Variants in PDCD4 observed in about 807,000 individuals in gnomAD.
PDCD4 encodes the protein programmed cell death 4.
PDCD4 carries 56 observed loss-of-function variants against 54.0 expected under a neutral mutation model. That is an observed-to-expected ratio of 1.04 (90% confidence interval 0.84 to 1.30). The LOEUF (loss-of-function observed/expected upper bound fraction) is 1.30, where lower values mean the gene tolerates loss of function less well. Among genes scored for constraint, PDCD4 ranks in the 50% most tolerant of loss-of-function variants. The pLI, the probability that PDCD4 is intolerant of heterozygous loss-of-function variation, is 0.00. For synonymous variants in PDCD4, 186 were observed against 194.8 expected (o/e 0.95, Z 0.37); for missense variants, 584 against 559.8 (o/e 1.04, Z -0.44).
intron 3 of PDCD4, 64 bp downstream of exon 3, chr10:110,881,599 G>A (rs1845593778): frequency 1.5e-6 from 2 of 1,321,808 alleles, no homozygotes; most frequent in African/African-American, 1.5e-5. Flanking sequence ...TCTGGTTCTT[G>A]TACTACACTT....
rs748515325 is a variant in PDCD4 at position 110,881,265 on chromosome 10, G to C, written c.76G>C (p.Gly26Arg). Residue 26 changes from glycine to arginine, a missense_variant, in exon 3 of 12, where the codon GGT becomes CGT. Gly to Arg is a moderately radical substitution (Grantham distance 125). Coordinates refer to ENST00000280154, the MANE Select transcript of PDCD4 (RefSeq NM_014456.5). The stretch of plus-strand genomic sequence containing the variant: ...TAACTTAAGTGACTCTCTCTTTTCC[G>C]GTGATGAAGAAAATGCTGGGACTGA... ...PDNLSDSLFS[G>R]DEENAGTEEI... 1 of 1,612,878 alleles carries C rather than the reference G, an allele frequency of 6.2e-7. No homozygotes were observed. The highest frequency in any genetic ancestry group is 1.7e-5 in the Admixed American group (1 of 59,928).
chr10:110,889,221 C>CAAA (rs34424151), intron 6 of PDCD4, among the ~76,000 whole-genome samples: 21 of 70,430 alleles, frequency 3.0e-4, no homozygotes, highest in African/African-American at 1.1e-3. Flanking sequence ...GACTCTGTCT[C>CAAA]AAAAAAAAAA....
At chr10:110,879,810 G>T (rs1375965035) in intron 2 of PDCD4, among the ~76,000 whole-genome samples, 1 of 152,028 alleles carries the variant, frequency 6.6e-6, no homozygotes, top group African/African-American at 2.4e-5. Flanking sequence ...AAATAATTTG[G>T]CTCTAATTGA....
intron 7 of PDCD4, 52 bp from the exon 8 acceptor site, chr10:110,890,504 A>G: frequency 1.0e-6 from 1 of 969,756 alleles, no homozygotes; most frequent in East Asian, 2.6e-5. Flanking sequence ...CTAATTTAGT[A>G]AACTTTAGGT....
chr10:110,876,117 G>C, intron 2 of PDCD4, 47 bp downstream of exon 2: 2 of 1,492,668 alleles, frequency 1.3e-6, no homozygotes, highest in Non-Finnish European at 1.9e-6. Context: ...TTTGAGACAG[G>C]ATCTTGCTCT....
At chr10:110,880,387 C>G (rs1254939972) in intron 2 of PDCD4, 1 of 152,138 alleles carries the variant, frequency 6.6e-6, no homozygotes, top group Non-Finnish European at 1.5e-5. Flanking sequence ...ATTTTGATAA[C>G]TGAAAATAAC....
In PDCD4 at chr10:110,899,159, T is replaced by C. The variant is rs796343911; in HGVS notation, c.*1071T>C. ...GATCATATTTTTAACCTCTTTTACA[T>C]AGCCTAATAACTCAGCAAGGCCTCA... On this transcript the variant is annotated 3_prime_UTR_variant, in exon 12 of 12. Transcript: ENST00000280154. 23 of 152,324 alleles carry C rather than the reference T, an allele frequency of 1.5e-4. No homozygotes were observed. The highest frequency in any genetic ancestry group is 5.3e-4 in the African/African-American group (22 of 41,572). 9.4% of individuals were successfully genotyped at this position (152,324 alleles called of 1,614,324 possible). A position where few individuals can be genotyped will look rare whatever the true frequency, so the allele number is the denominator to read the frequency against.
intron 2 of PDCD4, among the ~76,000 whole-genome samples, chr10:110,877,830 C>A (rs1845529944): frequency 6.6e-6 from 1 of 152,110 alleles, no homozygotes. Context: ...TCAGTTTTTT[C>A]ATGTATAAAA....
chr10:110,886,914 G>T (rs1845677567), intron 5 of PDCD4, among the ~76,000 whole-genome samples: 1 of 152,082 alleles, frequency 6.6e-6, no homozygotes, highest in Admixed American at 6.5e-5. Flanking sequence ...AAAGTGTGAA[G>T]TGAATTTTTA....
Position 110,890,687 on chromosome 10 carries a change from G to C in PDCD4, c.990+17G>C. ...GTTAAAGAGGTAATGATTGGGTATT[G>C]TTTTTAACTTAATTTATATGTATTC... On this transcript the variant is annotated intron_variant, in intron 8 of 11. Coordinates refer to ENST00000280154, the MANE Select transcript of PDCD4 (RefSeq NM_014456.5). 6.8e-7 allele frequency: 1 copy of C among 1,481,460 alleles called. No homozygotes were observed. The highest frequency in any genetic ancestry group is 9.4e-7 in the Non-Finnish European group (1 of 1,062,490). 91.8% of individuals were successfully genotyped at this position (1,481,460 alleles called of 1,614,324 possible). A position where few individuals can be genotyped will look rare whatever the true frequency, so the allele number is the denominator to read the frequency against.
rs1320462397 is a variant in PDCD4, at chr10:110,872,672, T to C, written c.-63+654T>C. 5.9e-5 allele frequency among the ~76,000 whole-genome samples: 9 copies of C among 152,292 alleles called. No individual in the cohort carries two copies. In the East Asian group the frequency reaches 1.5e-3, roughly 26 times the overall value. ...CCGGGGGCGCTGGGAGGCGAACACGTGCCCGCCGCCCCATCCCTGCGCGAA... is the reference window on the plus strand; with the variant it reads ...CCGGGGGCGCTGGGAGGCGAACACGCGCCCGCCGCCCCATCCCTGCGCGAA... On this transcript the variant is annotated intron_variant, in intron 1 of 11. Coordinates refer to ENST00000280154, the MANE Select transcript of PDCD4 (RefSeq NM_014456.5).
Position 110,887,824 on chromosome 10 carries a change from T to C in PDCD4, c.715T>C (p.Ser239Pro). The C allele has an allele frequency of 3.1e-6, 5 of 1,613,864 alleles. No individual in the cohort carries two copies. The highest frequency in any genetic ancestry group is 4.2e-6 in the Non-Finnish European group (5 of 1,179,834). The change falls in exon 6 of 12, where the codon TCA becomes CCA. Residue 239 changes from serine (S) to proline (P), a missense_variant. Ser to Pro is a moderately conservative substitution (Grantham distance 74). Transcript: ENST00000280154. ...TVMSTTDVEK[S>P]FDKLLKDLPE... ...AATGAGCACAACTGATGTGGAAAAATCATTTGATAAATTGTTGAAAGATCT... is the reference window on the plus strand; with the variant it reads ...AATGAGCACAACTGATGTGGAAAAACCATTTGATAAATTGTTGAAAGATCT...
At chr10:110,882,966 T>G (rs1197543021) in intron 3 of PDCD4, 37 bp from the exon 4 acceptor site, 1 of 1,208,008 alleles carries the variant, frequency 8.3e-7, no homozygotes, top group Admixed American at 1.8e-5. Flanking sequence ...ATTGATGAAT[T>G]TTGTGTTTTT....
intron 8 of PDCD4, among the ~76,000 whole-genome samples, chr10:110,892,737 A>G (rs1234944719): frequency 6.6e-6 from 1 of 152,120 alleles, no homozygotes; most frequent in Non-Finnish European, 1.5e-5. Flanking sequence ...TTTTTTCATA[A>G]ATTTAATGTA....
rs1465247978 is a variant in PDCD4, at chr10:110,899,648, G to A, written c.*1560G>A. 6.6e-6 allele frequency: 1 copy of A among 152,074 alleles called. No homozygotes were observed. Among genetic ancestry groups the A allele is most frequent in the Non-Finnish European group, 1.5e-5 (1 of 68,024 alleles). 9.4% of individuals were successfully genotyped at this position (152,074 alleles called of 1,614,324 possible). A position where few individuals can be genotyped will look rare whatever the true frequency, so the allele number is the denominator to read the frequency against. On this transcript the variant is annotated 3_prime_UTR_variant, in exon 12 of 12. Transcript: ENST00000280154. The stretch of plus-strand genomic sequence containing the variant: ...CCCTGTCTCTATTAAAAATACAAAA[G>A]TAGCCAGGCATGGTGGCGCATGCGT...
intron 1 of PDCD4, among the ~76,000 whole-genome samples, chr10:110,874,851 T>C (rs1046809217): frequency 3.9e-5 from 6 of 152,152 alleles, no homozygotes; most frequent in African/African-American, 1.4e-4. Flanking sequence ...GTATATATCA[T>C]TGTTATCCTA....
intron 5 of PDCD4, among the ~76,000 whole-genome samples, chr10:110,887,045 AG>A (rs1845679065): frequency 6.6e-6 from 1 of 152,190 alleles, no homozygotes; most frequent in Non-Finnish European, 1.5e-5. Flanking sequence ...AAGGCAGGTT[AG>A]TTAACTCCTA....
intron 8 of PDCD4, chr10:110,890,919 A>C (rs1212205385): frequency 9.9e-6 from 3 of 301,902 alleles, no homozygotes; most frequent in Admixed American, 5.0e-5. Context: ...ACTTCAAAGG[A>C]ATGCCTGAAA....
At chr10:110,889,481 T>G in intron 6 of PDCD4, 52 bp from the exon 7 acceptor site, 1 of 960,788 alleles carries the variant, frequency 1.0e-6, no homozygotes, top group South Asian at 1.4e-5. Flanking sequence ...AATTGTGACC[T>G]ATAAAAGTTA....
Sources: gnomAD v4.1 joint callset for allele counts (sites outside exome capture counted in the v4.1 genomes callset) on GRCh38, gnomAD v4.1.1 for gene constraint, MANE v1.5 for transcripts, NCBI Gene and HGNC (gene_info 2026-07-23, HGNC 2026-07-21) for gene names.